Variants in USP5 observed in about 807,000 individuals in gnomAD.
The protein encoded by USP5 is ubiquitin carboxyl-terminal hydrolase 5.
A neutral mutation model predicts 102.5 loss-of-function variants in USP5; 24 were observed. That is an observed-to-expected ratio of 0.23 (90% CI 0.17 to 0.33). The LOEUF (loss-of-function observed/expected upper bound fraction) is 0.33. USP5 is among the 10% of genes least tolerant of loss of function. The pLI, the probability that USP5 is intolerant of heterozygous loss-of-function variation, is 1.00. For synonymous variants in USP5, 460 were observed against 434.8 expected, an observed-to-expected ratio of 1.06 and a Z score of -0.72; for missense variants, 753 against 1,122.1, an observed-to-expected ratio of 0.67 and a Z score of 4.70.
chr12:6,855,152 G>A lies in USP5; in HGVS notation c.112-249G>A, dbSNP rs782776212. Among the ~76,000 whole-genome samples, 3 of 152,284 alleles carry A rather than the reference G, an allele frequency of 2.0e-5. No individual in the cohort carries two copies. Among genetic ancestry groups the A allele is most frequent in the South Asian group, 4.1e-4 (2 of 4,830 alleles). ...ACTGGTGTTGCTGTTGAATGGCGAC[G>A]ATGAGCTGGTGTTCCTCAGCCCCCT... is the stretch of plus-strand genomic sequence containing the variant. On this transcript the variant is annotated intron_variant, in intron 1 of 19. Transcript: ENST00000229268. The surrounding 1 kb of genome is among the most constrained non-coding windows in gnomAD (Gnocchi z 4.6).
intron 1 of USP5, among the ~76,000 whole-genome samples, chr12:6,854,712 C>G (rs1054163466): frequency 2.0e-5 from 3 of 151,632 alleles, no homozygotes; most frequent in African/African-American, 7.3e-5. Context: ...GAGCTATGAT[C>G]GTGCCACTGC....
At chr12:6,865,271 T>C (rs782365937) in intron 19 of USP5, 23 bp downstream of exon 19, 2 of 1,602,882 alleles carry the variant, frequency 1.2e-6, no homozygotes, top group Non-Finnish European at 1.7e-6. Flanking sequence ...CACATGCGTT[T>C]TGAATGGAGA....
chr12:6,856,389 C>G lies in USP5; in HGVS notation c.523C>G (p.Gln175Glu). Residue 175 changes from glutamine (Q) to glutamate (E), a missense_variant, in exon 5 of 20, where the codon CAG (glutamine) becomes GAG (glutamate). Coordinates refer to ENST00000229268, the MANE Select transcript of USP5 (RefSeq NM_001098536.2). The surrounding 1 kb of genome is among the most constrained non-coding windows in gnomAD (Gnocchi z 5.6). Reference sequence around the variant, plus strand: ...GCAGGCATGGGATGGGGAAGTACGGCAGGTGTCTAAGCATGCCTTCAGCCT... The same window carrying G: ...GCAGGCATGGGATGGGGAAGTACGGGAGGTGTCTAAGCATGCCTTCAGCCT... ...EVQAWDGEVRQVSKHAFSLKQ... is the reference protein window; with the variant it reads ...EVQAWDGEVREVSKHAFSLKQ... The G allele has an allele frequency of 6.2e-7, 1 of 1,613,992 alleles. No homozygotes were observed. The highest frequency in any genetic ancestry group is 2.2e-5 in the East Asian group (1 of 44,862).
Position 6,858,968 on chromosome 12 carries a change from A to G in USP5, c.1058+351A>G, listed in dbSNP as rs369739674. 1 of 256,382 alleles carries G rather than the reference A, an allele frequency of 3.9e-6. No individual in the cohort carries two copies. The allele number at this position is 256,382 out of a possible 1,614,324, so 15.9% of individuals were successfully genotyped here. A position where few individuals can be genotyped will look rare whatever the true frequency, so the allele number is the denominator to read the frequency against. Reference sequence around the variant, plus strand: ...AACACACAAACCCCACTGATAGTGCAGAGTGCCAAGTCCCAGGGCTCTGTG... The same window carrying G: ...AACACACAAACCCCACTGATAGTGCGGAGTGCCAAGTCCCAGGGCTCTGTG... On this transcript the variant is annotated intron_variant, in intron 8 of 19. Transcript: ENST00000229268. This position sits in a 1 kb window ranked among gnomAD's most constrained non-coding sequence, Gnocchi z 4.2.
rs781964611 is a variant in USP5, at chr12:6,861,508, C to T, written c.1564C>T (p.Leu522=). 6 of 1,601,328 alleles carry T rather than the reference C, an allele frequency of 3.7e-6. No individual in the cohort carries two copies. Among genetic ancestry groups the T allele is most frequent in the Non-Finnish European group, 4.3e-6 (5 of 1,169,802 alleles). The change falls in exon 13 of 20, where the codon CTG becomes TTG. Residue 522 remains leucine (L), a synonymous_variant. Coordinates refer to ENST00000229268, the MANE Select transcript of USP5 (RefSeq NM_001098536.2). The surrounding 1 kb of genome is among the most constrained non-coding windows in gnomAD (Gnocchi z 4.9). ...AEEEKMALPE[L]VRAQVPFSSC... ...AGAGGAGAAGATGGCACTGCCAGAA[C>T]TGGTTCGGGCCCAGGTGCCCTTCAG...
intron 1 of USP5, 107 bp downstream of exon 1, chr12:6,852,397 TG>T: frequency 8.8e-7 from 1 of 1,140,454 alleles, no homozygotes; most frequent in South Asian, 1.4e-5. Context: ...CGATGCACCA[TG>T]GGACTTGTAG....
chr12:6,853,686 A>T lies in USP5; in HGVS notation c.111+1396A>T, dbSNP rs782187846. Among the ~76,000 whole-genome samples, 6 of 152,344 alleles carry T rather than the reference A, an allele frequency of 3.9e-5. No homozygotes were observed. The South Asian group carries it at 1.0e-3, about 26-fold the overall frequency. ...CAAAAAGGGTTTTTGTAATCTTCTGAAACTTTCCCTTTTTCACCCCAAGTC... is the reference window on the plus strand; with the variant it reads ...CAAAAAGGGTTTTTGTAATCTTCTGTAACTTTCCCTTTTTCACCCCAAGTC... On this transcript the variant is annotated intron_variant, in intron 1 of 19. Transcript: ENST00000229268.
At position 6,863,114 on chromosome 12, in the gene USP5, A is replaced by G. The variant is rs1205376798; in HGVS notation, c.1763-72A>G. The G allele has an allele frequency of 4.8e-6, 7 of 1,467,490 alleles. No homozygotes were observed. The highest frequency in any genetic ancestry group is 6.4e-6 in the Non-Finnish European group (7 of 1,090,760). 90.9% of individuals were successfully genotyped at this position (1,467,490 alleles called of 1,614,324 possible). On this transcript the variant is annotated intron_variant, in intron 14 of 19. Coordinates refer to ENST00000229268, the MANE Select transcript of USP5 (RefSeq NM_001098536.2). This position sits in a 1 kb window ranked among gnomAD's most constrained non-coding sequence, Gnocchi z 4.7. The stretch of plus-strand genomic sequence containing the variant: ...ACAGAGCAGTTCTGACATAGGGGGC[A>G]GGGGATTGAGGTTCCCGAATCACTT...
At position 6,864,950 on chromosome 12, in the gene USP5, A is replaced by G; in HGVS notation, c.2398+75A>G. 6.4e-7 allele frequency: 1 copy of G among 1,550,898 alleles called. No individual in the cohort carries two copies. Among genetic ancestry groups the G allele is most frequent in the Middle Eastern group, 1.7e-4 (1 of 5,788 alleles). On this transcript the variant is annotated intron_variant, in intron 18 of 19. Coordinates refer to ENST00000229268, the MANE Select transcript of USP5 (RefSeq NM_001098536.2). The surrounding 1 kb of genome is among the most constrained non-coding windows in gnomAD (Gnocchi z 4.8). ...ACTACACCAGATCCCTCATTCAGGC[A>G]GCTCTGCCCTCCTCAGGAGTCAGGG...
Position 6,855,503 on chromosome 12 carries a change from C to A in USP5, c.214C>A (p.His72Asn). The change falls in exon 2 of 20, where the codon CAC (histidine) becomes AAC (asparagine). Residue 72 changes from histidine to asparagine, a missense_variant. Physicochemically the swap from His to Asn is moderately conservative, Grantham distance 68. Transcript: ENST00000229268. This position sits in a 1 kb window ranked among gnomAD's most constrained non-coding sequence, Gnocchi z 4.6. ...FNKTGQRVYLHLRRTRRPKEE... is the reference protein window; with the variant it reads ...FNKTGQRVYLNLRRTRRPKEE... ...TAAGACCGGCCAGCGAGTCTACTTG[C>A]ACCTCCGGCGGACCCGGCGCCCGGT... is the stretch of plus-strand genomic sequence containing the variant. The A allele has an allele frequency of 6.2e-7, 1 of 1,614,180 alleles. No homozygotes were observed. The highest frequency in any genetic ancestry group is 8.5e-7 in the Non-Finnish European group (1 of 1,180,038).
chr12:6,854,764 A>AT (rs782473521), intron 1 of USP5, among the ~76,000 whole-genome samples: 3,436 of 145,806 alleles, frequency 0.024, 118 homozygotes, highest in Admixed American at 0.078. Flanking sequence ...CTAAAATAAA[A>AT]TTTTTTTTTT....
chr12:6,856,067 G>T lies in USP5; in HGVS notation c.355G>T (p.Asp119Tyr), dbSNP rs1944102208. 1 of 1,614,048 alleles carries T rather than the reference G, an allele frequency of 6.2e-7. No homozygotes were observed. Among genetic ancestry groups the T allele is most frequent in the South Asian group, 1.1e-5 (1 of 91,088 alleles). ...CGAGGAGAAGTTTGAATTAGACGAGGATGTGAAGATTGTCATTTTGCCAGA... is the reference window on the plus strand; with the variant it reads ...CGAGGAGAAGTTTGAATTAGACGAGTATGTGAAGATTGTCATTTTGCCAGA... ...LSEEKFELDE[D>Y]VKIVILPDYL... The change falls in exon 4 of 20, where the codon GAT becomes TAT. Residue 119 changes from aspartate (D) to tyrosine (Y), a missense_variant. Asp to Tyr is a radical substitution (Grantham distance 160, BLOSUM62 -3). Around this residue, in one of 3 missense-constraint regions of USP5, gnomAD observed 527 missense variants for 816.5 expected, o/e 0.65. Coordinates refer to ENST00000229268, the MANE Select transcript of USP5 (RefSeq NM_001098536.2). This position sits in a 1 kb window ranked among gnomAD's most constrained non-coding sequence, Gnocchi z 5.6.
intron 19 of USP5, 48 bp downstream of exon 19, chr12:6,865,296 G>A (rs782357318): frequency 6.5e-7 from 1 of 1,549,130 alleles, no homozygotes; most frequent in South Asian, 1.1e-5. Context: ...TGGTGGGAAT[G>A]AGGAGGGCCA....
chr12:6,865,181 T>C lies in USP5; in HGVS notation c.2416T>C (p.Phe806Leu). ...TTTCCTAGAGTATCAGCTCTTTGCC[T>C]TCATTAGTCACATGGGCACCTCTAC... ...DGPGKYQLFAFISHMGTSTMC... is the reference protein window; with the variant it reads ...DGPGKYQLFALISHMGTSTMC... Residue 806 changes from phenylalanine to leucine, a missense_variant, in exon 19 of 20, where the codon TTC becomes CTC. By Grantham distance (22) the Phe-to-Leu change is conservative. This residue lies in a region of USP5 where 33 missense variants were observed against 75.3 expected (regional missense o/e 0.44). Coordinates refer to ENST00000229268, the MANE Select transcript of USP5 (RefSeq NM_001098536.2). The C allele has an allele frequency of 6.2e-7, 1 of 1,613,844 alleles. No individual in the cohort carries two copies. The highest frequency in any genetic ancestry group is 1.3e-5 in the African/African-American group (1 of 75,062).
In USP5 at chr12:6,855,457, G is replaced by T. The variant is rs1555127911; in HGVS notation, c.168G>T (p.Gln56His). ...CMNTFLGFGK[Q>H]YVERHFNKTG... ...ACACGTTTCTGGGCTTTGGGAAACA[G>T]TATGTGGAGAGACATTTCAATAAGA... is the stretch of plus-strand genomic sequence containing the variant. The change falls in exon 2 of 20, where the codon CAG (glutamine) becomes CAT (histidine). Residue 56 changes from glutamine to histidine, a missense_variant. By Grantham distance (24) the Gln-to-His change is conservative. Around this residue, in one of 3 missense-constraint regions of USP5, gnomAD observed 527 missense variants for 816.5 expected, o/e 0.65. Coordinates refer to ENST00000229268, the MANE Select transcript of USP5 (RefSeq NM_001098536.2). This position sits in a 1 kb window ranked among gnomAD's most constrained non-coding sequence, Gnocchi z 4.6. The T allele has an allele frequency of 6.2e-7, 1 of 1,614,086 alleles. No homozygotes were observed. The highest frequency in any genetic ancestry group is 2.2e-5 in the East Asian group (1 of 44,902).
chr12:6,864,684 G>A lies in USP5; in HGVS notation c.2245-38G>A, dbSNP rs782566344. ...AGCCTGGGCGACAGAGCAAGACTCC[G>A]TCTCAAGAAAAAAAGTAATGCTTCC... On this transcript the variant is annotated intron_variant, in intron 17 of 19. Coordinates refer to ENST00000229268, the MANE Select transcript of USP5 (RefSeq NM_001098536.2). The surrounding 1 kb of genome is among the most constrained non-coding windows in gnomAD (Gnocchi z 4.8). 41 of 1,583,864 alleles carry A rather than the reference G, an allele frequency of 2.6e-5. No homozygotes were observed. The highest frequency in any genetic ancestry group is 1.8e-4 in the East Asian group (8 of 44,574).
At chr12:6,853,311 A>C (rs1944000203) in intron 1 of USP5, among the ~76,000 whole-genome samples, 1 of 152,264 alleles carries the variant, frequency 6.6e-6, no homozygotes, top group African/African-American at 2.4e-5. Flanking sequence ...ACCAGTACTG[A>C]GTAGAACAGC....
Position 6,861,480 on chromosome 12 carries a change from C to T in USP5, c.1536C>T (p.Ala512=), listed in dbSNP as rs782413237. 6.3e-6 allele frequency: 10 copies of T among 1,589,332 alleles called. No individual in the cohort carries two copies. The highest frequency in any genetic ancestry group is 1.7e-4 in the Middle Eastern group (1 of 5,994). ...LLEYEEKKRQ[A]EEEKMALPEL... is the part of the protein sequence containing the mutation. ...AGTACGAGGAGAAGAAGCGGCAAGC[C>T]GAAGAGGAGAAGATGGCACTGCCAG... The change falls in exon 13 of 20, where the codon GCC becomes GCT. Residue 512 remains alanine, a synonymous_variant. Coordinates refer to ENST00000229268, the MANE Select transcript of USP5 (RefSeq NM_001098536.2). The surrounding 1 kb of genome is among the most constrained non-coding windows in gnomAD (Gnocchi z 4.9).
intron 6 of USP5, 145 bp from the exon 7 acceptor site, chr12:6,857,484 A>G: frequency 1.5e-6 from 1 of 647,988 alleles, no homozygotes; most frequent in African/African-American, 1.8e-5. Context: ...CCGCACTCAT[A>G]TTACTCATAT....
Sources: gnomAD v4.1 joint callset for allele counts (sites outside exome capture counted in the v4.1 genomes callset) on GRCh38, gnomAD v4.1.1 for gene constraint, gnomAD v4.1.1 regional missense constraint, Gnocchi (gnomAD v3.1) non-coding constraint, MANE v1.5 for transcripts, NCBI Gene and HGNC (gene_info 2026-07-23, HGNC 2026-07-21) for gene names.